Variants in CNGA3 observed in about 807,000 individuals in gnomAD.
CNGA3 encodes cyclic nucleotide gated channel subunit alpha 3.
CNGA3 carries 42 observed loss-of-function variants against 46.6 expected under a neutral mutation model. That is an observed-to-expected ratio of 0.90 (90% CI 0.70 to 1.17). The LOEUF (loss-of-function observed/expected upper bound fraction) is 1.17. Ranked by LOEUF, CNGA3 falls within the 50% of genes most tolerant of loss-of-function variation. The pLI, the probability that CNGA3 is intolerant of heterozygous loss-of-function variation, is 0.00. For missense variants in CNGA3, 893 were observed against 890.7 expected (o/e 1.00, Z -0.03); for synonymous variants, 394 against 369.4 (o/e 1.07, Z -0.76).
intron 2 of CNGA3, among the ~76,000 whole-genome samples, chr2:98,370,730 A>C (rs1189397170): frequency 6.6e-6 from 1 of 152,226 alleles, no homozygotes; most frequent in Non-Finnish European, 1.5e-5. Context: ...CTTCACAATG[A>C]AACAGCATTT....
rs139755487 is a variant in CNGA3, at chr2:98,398,432, T to A, written c.*1177T>A. Reference sequence around the variant, plus strand: ...CCAAAGATGAGTCTTTCTTCTTTCTTTCCTTTTTCCTTTCTTCTTCCTTTC... The same window carrying A: ...CCAAAGATGAGTCTTTCTTCTTTCTATCCTTTTTCCTTTCTTCTTCCTTTC... On this transcript the variant is annotated 3_prime_UTR_variant, in exon 8 of 8. Coordinates refer to ENST00000272602, the MANE Select transcript of CNGA3 (RefSeq NM_001298.3). 3.9e-5 allele frequency: 6 copies of A among 152,342 alleles called. No individual in the cohort carries two copies. In the East Asian group the frequency reaches 9.6e-4, roughly 24 times the overall value. 9.4% of individuals were successfully genotyped at this position (152,342 alleles called of 1,614,324 possible). A position where few individuals can be genotyped will look rare whatever the true frequency, so the allele number is the denominator to read the frequency against.
intron 1 of CNGA3, among the ~76,000 whole-genome samples, chr2:98,358,582 C>A (rs1316625024): frequency 3.9e-5 from 6 of 152,190 alleles, no homozygotes; most frequent in Non-Finnish European, 8.8e-5. Flanking sequence ...CTGTAGTAAA[C>A]TCCATTGGAC....
rs1312841821 is a variant in CNGA3 at position 98,393,695 on chromosome 2, G to A, written c.673+1725G>A. Among the ~76,000 whole-genome samples, 16 of 152,168 alleles carry A rather than the reference G, an allele frequency of 1.1e-4. 1 individual carries two copies. Among genetic ancestry groups the A allele is most frequent in the East Asian group, 7.7e-4 (4 of 5,180 alleles). On this transcript the variant is annotated intron_variant, in intron 7 of 7. Coordinates refer to ENST00000272602, the MANE Select transcript of CNGA3 (RefSeq NM_001298.3). ...CAGCTTCAGTGGGATGAGACACCCC[G>A]ACTCAGTCATTAACCCTGCACCTTC... is the stretch of plus-strand genomic sequence containing the variant.
intron 2 of CNGA3, among the ~76,000 whole-genome samples, chr2:98,374,876 C>T (rs1249942468): frequency 6.6e-6 from 1 of 152,264 alleles, no homozygotes; most frequent in African/African-American, 2.4e-5. Flanking sequence ...AAGGATCTCC[C>T]TGTTCTTCAC....
At chr2:98,383,464 G>C in intron 5 of CNGA3, 23 bp downstream of exon 5, 1 of 1,614,028 alleles carries the variant, frequency 6.2e-7, no homozygotes, top group Non-Finnish European at 8.5e-7. Flanking sequence ...ACACCCAGCA[G>C]AGCCCTCCCC....
chr2:98,364,152 C>A (rs1218323058), intron 1 of CNGA3, among the ~76,000 whole-genome samples: 2 of 152,064 alleles, frequency 1.3e-5, no homozygotes, highest in Non-Finnish European at 2.9e-5. Flanking sequence ...CCAAGGTGGG[C>A]AGATCACTTG....
At chr2:98,382,792 TCAGG>T (rs1451573194) in intron 4 of CNGA3, among the ~76,000 whole-genome samples, 1 of 152,172 alleles carries the variant, frequency 6.6e-6, no homozygotes, top group Non-Finnish European at 1.5e-5. Context: ...ATCAGGGGTG[TCAGG>T]CCCTGGAGTC....
At chr2:98,383,301 G>A in intron 4 of CNGA3, 87 bp from the exon 5 acceptor site, 1 of 1,219,876 alleles carries the variant, frequency 8.2e-7, no homozygotes, top group Non-Finnish European at 1.2e-6. Flanking sequence ...GGGATTGGGG[G>A]GTGGGGCATG....
At chr2:98,391,154 G>A (rs966478235) in intron 6 of CNGA3, among the ~76,000 whole-genome samples, 5 of 152,216 alleles carry the variant, frequency 3.3e-5, no homozygotes, top group African/African-American at 1.2e-4. Context: ...TCGATTATTC[G>A]AGCATAGGCT....
chr2:98,348,760 G>C (rs1691703111), intron 1 of CNGA3, among the ~76,000 whole-genome samples: 1 of 152,222 alleles, frequency 6.6e-6, no homozygotes. Flanking sequence ...GCTCAGTCTG[G>C]TGGGAGAAAC....
intron 5 of CNGA3, among the ~76,000 whole-genome samples, chr2:98,383,973 G>A (rs1475169885): frequency 6.6e-5 from 10 of 152,048 alleles, no homozygotes; most frequent in Non-Finnish European, 1.5e-4. Flanking sequence ...TGCAAGCTCC[G>A]CCTCCCGGGT....
chr2:98,348,875 T>C (rs1028354950), intron 1 of CNGA3, among the ~76,000 whole-genome samples: 6 of 151,990 alleles, frequency 3.9e-5, no homozygotes, highest in Non-Finnish European at 7.4e-5. Context: ...CGGGTGTAAA[T>C]GGAGGTGATA....
intron 7 of CNGA3, among the ~76,000 whole-genome samples, chr2:98,394,150 G>A (rs1173953942): frequency 3.3e-5 from 5 of 151,976 alleles, no homozygotes; most frequent in East Asian, 1.9e-4. Context: ...GATGCTCACC[G>A]CAATTTTAAA....
At chr2:98,394,477 T>C (rs1692863197) in intron 7 of CNGA3, among the ~76,000 whole-genome samples, 1 of 152,240 alleles carries the variant, frequency 6.6e-6, no homozygotes, top group South Asian at 2.1e-4. Context: ...GTTTTTTACA[T>C]TTTTATTATT....
In CNGA3 at chr2:98,386,358, G is replaced by T. The variant is rs57642097; in HGVS notation, c.449+2917G>T. On this transcript the variant is annotated intron_variant, in intron 5 of 7. Transcript: ENST00000272602. ...GTAGCTCCTCTAATTCCCATGTGTC[G>T]GGACAGATCTGGTGGGAGGTAATTG... Among the ~76,000 whole-genome samples the T allele has an allele frequency of 2.3e-3, 345 of 152,258 alleles. 8 individuals are homozygous for T. In the East Asian group the frequency reaches 0.044, roughly 20 times the overall value.
At chr2:98,383,819 T>A (rs1279211115) in intron 5 of CNGA3, among the ~76,000 whole-genome samples, 1 of 152,228 alleles carries the variant, frequency 6.6e-6, no homozygotes, top group African/African-American at 2.4e-5. Context: ...AGGCATTTTC[T>A]TATTCTACAA....
At chr2:98,388,153 C>T (rs1252723935) in intron 5 of CNGA3, among the ~76,000 whole-genome samples, 2 of 152,160 alleles carry the variant, frequency 1.3e-5, no homozygotes, top group Non-Finnish European at 2.9e-5. Flanking sequence ...CTCTTCAGGA[C>T]GTCTCCACGA....
At chr2:98,386,905 T>C (rs901631368) in intron 5 of CNGA3, among the ~76,000 whole-genome samples, 3 of 152,118 alleles carry the variant, frequency 2.0e-5, no homozygotes, top group Admixed American at 6.5e-5. Flanking sequence ...CGAGCAGGAA[T>C]CAGAGCCCCG....
At chr2:98,356,752 T>G (rs1691888425) in intron 1 of CNGA3, among the ~76,000 whole-genome samples, 1 of 152,224 alleles carries the variant, frequency 6.6e-6, no homozygotes, top group Non-Finnish European at 1.5e-5. Context: ...ACAAACAAAC[T>G]GAGTGTAAAT....
Sources: gnomAD v4.1 joint callset for allele counts (sites outside exome capture counted in the v4.1 genomes callset) on GRCh38, gnomAD v4.1.1 for gene constraint, MANE v1.5 for transcripts, NCBI Gene and HGNC (gene_info 2026-07-23, HGNC 2026-07-21) for gene names.